NOL10: variants seen among roughly 807,000 people sequenced by gnomAD.
NOL10 encodes nucleolar protein 10.
In NOL10, 58 loss-of-function variants were observed where a neutral mutation model predicts 103.5. That is an observed-to-expected ratio of 0.56 (90% CI 0.45 to 0.70). The LOEUF is 0.70. NOL10 is among the 30% of genes least tolerant of loss of function. NOL10 has a pLI of 0.00. For missense variants in NOL10, 763 were observed against 807.3 expected (o/e 0.95, Z 0.67); for synonymous variants, 287 against 282.5 (o/e 1.02, Z -0.16).
At chr2:10,664,784 C>A (rs1680466406) in intron 8 of NOL10, among the ~76,000 whole-genome samples, 1 of 152,206 alleles carries the variant, frequency 6.6e-6, no homozygotes, top group Admixed American at 6.5e-5. Context: ...GTTCCACCCA[C>A]TCGCACTTCC....
chr2:10,685,760 A>G (rs1272954811), intron 1 of NOL10, among the ~76,000 whole-genome samples: 1 of 152,072 alleles, frequency 6.6e-6, no homozygotes, highest in Non-Finnish European at 1.5e-5. Flanking sequence ...TAGCAGTAGT[A>G]AATAAAACAG....
intron 11 of NOL10, among the ~76,000 whole-genome samples, chr2:10,655,788 G>A (rs1679810948): frequency 6.6e-6 from 1 of 152,224 alleles, no homozygotes; most frequent in African/African-American, 2.4e-5. Context: ...ATTATGCAAA[G>A]TCTGACACTA....
Position 10,589,176 on chromosome 2 carries a change from C to T in NOL10, c.1711G>A (p.Glu571Lys). 6.2e-7 allele frequency: 1 copy of T among 1,614,028 alleles called. No individual in the cohort carries two copies. Among genetic ancestry groups the T allele is most frequent in the Non-Finnish European group, 8.5e-7 (1 of 1,179,900 alleles). The stretch of plus-strand genomic sequence containing the variant: ...CGTTCCTGCCGCTTCACTTTTTCCT[C>T]CTGCTGGAGGAGTCTGCGTTGCTTC... ...VRKQRRLLQQ[E>K]EKVKRQERLK... is the part of the protein sequence containing the mutation. Residue 571 changes from glutamate (E) to lysine (K), a missense_variant, in exon 19 of 21, where the codon GAG becomes AAG. Physicochemically the swap from Glu to Lys is moderately conservative, Grantham distance 56. Transcript: ENST00000381685.
At chr2:10,641,017 C>A (rs182523567) in intron 13 of NOL10, among the ~76,000 whole-genome samples, 6 of 151,688 alleles carry the variant, frequency 4.0e-5, no homozygotes, top group Admixed American at 3.9e-4. Flanking sequence ...AACCCCATCT[C>A]TACTAAAAAC....
At chr2:10,577,064 G>A (rs923418537) in intron 20 of NOL10, among the ~76,000 whole-genome samples, 8 of 151,872 alleles carry the variant, frequency 5.3e-5, no homozygotes, top group Non-Finnish European at 1.2e-4. Flanking sequence ...CCTACAATGT[G>A]ACAGGTATTA....
At chr2:10,581,023 C>G (rs1674721696) in intron 19 of NOL10, among the ~76,000 whole-genome samples, 1 of 152,166 alleles carries the variant, frequency 6.6e-6, no homozygotes, top group Non-Finnish European at 1.5e-5. Context: ...CTACCTTTGA[C>G]AAATATTTAC....
chr2:10,582,086 T>C (rs573748038), intron 19 of NOL10, among the ~76,000 whole-genome samples: 1 of 152,352 alleles, frequency 6.6e-6, no homozygotes, highest in South Asian at 2.1e-4. Context: ...TTTTTAAAAA[T>C]GTAAGCCTGG....
At chr2:10,572,641 TA>T (rs1354004443) in intron 20 of NOL10, among the ~76,000 whole-genome samples, 1 of 152,286 alleles carries the variant, frequency 6.6e-6, no homozygotes, top group South Asian at 2.1e-4. Context: ...CCACTGTTTT[TA>T]AAAACAAAAA....
intron 12 of NOL10, among the ~76,000 whole-genome samples, chr2:10,647,460 T>A (rs1679160968): frequency 6.6e-6 from 1 of 152,236 alleles, no homozygotes; most frequent in Non-Finnish European, 1.5e-5. Flanking sequence ...GTGTGATCAT[T>A]TTCCTAGTAA....
intron 13 of NOL10, 145 bp downstream of exon 13, chr2:10,644,175 G>C: frequency 1.9e-6 from 1 of 534,982 alleles, no homozygotes; most frequent in Non-Finnish European, 3.2e-6. Context: ...TTGAACCCAG[G>C]AGGCAGAGGT....
intron 12 of NOL10, among the ~76,000 whole-genome samples, chr2:10,649,241 A>G (rs1679296713): frequency 1.3e-5 from 2 of 152,080 alleles, no homozygotes; most frequent in African/African-American, 2.4e-5. Context: ...GAAGACAACA[A>G]TAACAAACAT....
intron 1 of NOL10, among the ~76,000 whole-genome samples, chr2:10,689,566 C>A (rs941888622): frequency 6.6e-6 from 1 of 152,256 alleles, no homozygotes; most frequent in South Asian, 2.1e-4. Context: ...GCAAAGCTCA[C>A]TGACCCTGAT....
At chr2:10,630,927 T>C (rs559599231) in intron 13 of NOL10, among the ~76,000 whole-genome samples, 4 of 152,336 alleles carry the variant, frequency 2.6e-5, no homozygotes, top group South Asian at 4.1e-4. Flanking sequence ...ATCGTTTGTA[T>C]GCTGATAAAT....
chr2:10,649,456 G>T (rs1679317470), intron 12 of NOL10, among the ~76,000 whole-genome samples: 1 of 151,450 alleles, frequency 6.6e-6, no homozygotes, highest in South Asian at 2.1e-4. Flanking sequence ...GAGTAGCTGG[G>T]ATTACAGGCA....
chr2:10,580,574 A>C (rs917880229), intron 19 of NOL10, among the ~76,000 whole-genome samples: 2 of 152,230 alleles, frequency 1.3e-5, no homozygotes, highest in African/African-American at 4.8e-5. Context: ...AGAATTACTC[A>C]GTGTAGAATG....
At chr2:10,638,242 G>C (rs1678403451) in intron 13 of NOL10, among the ~76,000 whole-genome samples, 1 of 151,788 alleles carries the variant, frequency 6.6e-6, no homozygotes, top group African/African-American at 2.4e-5. Context: ...TTATGATCAC[G>C]TCACTGCACT....
chr2:10,593,872 A>AC (rs1055736319), intron 17 of NOL10, among the ~76,000 whole-genome samples: 118 of 151,960 alleles, frequency 7.8e-4, no homozygotes, highest in Admixed American at 6.3e-3. Context: ...CCAGGCCTTT[A>AC]CCCCCCCAAG....
chr2:10,620,431 C>T (rs548888877), intron 13 of NOL10, among the ~76,000 whole-genome samples: 1 of 152,252 alleles, frequency 6.6e-6, no homozygotes, highest in South Asian at 2.1e-4. Context: ...AATATATTAA[C>T]ACCATTTAGC....
chr2:10,673,473 C>T (rs749875393), intron 5 of NOL10, 47 bp downstream of exon 5: 76 of 1,200,648 alleles, frequency 6.3e-5, no homozygotes, highest in Non-Finnish European at 8.5e-5. Flanking sequence ...ATTCCACTCA[C>T]TCATTTCTTG....
Sources: gnomAD v4.1 joint callset for allele counts (sites outside exome capture counted in the v4.1 genomes callset) on GRCh38, gnomAD v4.1.1 for gene constraint, MANE v1.5 for transcripts, NCBI Gene and HGNC (gene_info 2026-07-23, HGNC 2026-07-21) for gene names.